Variants in RIMS3 observed in about 807,000 individuals in gnomAD.
The protein encoded by RIMS3 is regulating synaptic membrane exocytosis 3, also known as regulating synaptic membrane exocytosis protein 3.
In RIMS3, 15 loss-of-function variants were observed where a neutral mutation model predicts 29.2. The ratio of observed to expected loss-of-function variants is 0.51; its 90% confidence interval spans 0.34 to 0.79. The LOEUF (loss-of-function observed/expected upper bound fraction) is 0.79. Among genes scored for constraint, RIMS3 ranks in the 30% least tolerant of loss-of-function variants. RIMS3 has a pLI of 0.01. For synonymous variants in RIMS3, 161 were observed against 170.1 expected, an observed-to-expected ratio of 0.95 and a Z score of 0.41; for missense variants, 342 against 421.4, an observed-to-expected ratio of 0.81 and a Z score of 1.65.
chr1:40,673,969 A>G, the RIMS3 span, among the ~76,000 whole-genome samples: 1 of 152,238 alleles, frequency 6.6e-6, no homozygotes, highest in Non-Finnish European at 1.5e-5. Flanking sequence ...CGTACCAGTC[A>G]GATACATGAT....
chr1:40,670,574 T>TTATATATATATATATATATA (rs553412097), upstream of RIMS3, among the ~76,000 whole-genome samples: 1,271 of 70,940 alleles, frequency 0.018, 77 homozygotes, highest in African/African-American at 0.022. Context: ...AGTTATAATT[T>TTATATATATATATATATATA]TATATATATA....
At chr1:40,628,433 A>C (rs1346015276) in intron 7 of RIMS3, among the ~76,000 whole-genome samples, 1 of 152,260 alleles carries the variant, frequency 6.6e-6, no homozygotes, top group Non-Finnish European at 1.5e-5. Context: ...AGTGAAGAGA[A>C]TCACACCTAC....
intron 2 of RIMS3, among the ~76,000 whole-genome samples, chr1:40,646,861 A>G (rs961886035): frequency 1.3e-5 from 2 of 148,190 alleles, no homozygotes; most frequent in Admixed American, 6.8e-5. Flanking sequence ...AGTCCCTTTA[A>G]CCGTGGGTCT....
At chr1:40,632,939 ACTTG>A in intron 5 of RIMS3, 126 bp downstream of exon 5, 1 of 783,242 alleles carries the variant, frequency 1.3e-6, no homozygotes, top group East Asian at 2.5e-5. Flanking sequence ...AAGGGAAGTG[ACTTG>A]CTTAAGATCA....
chr1:40,684,056 G>A, the RIMS3 span, among the ~76,000 whole-genome samples: 1 of 152,198 alleles, frequency 6.6e-6, no homozygotes, highest in African/African-American at 2.4e-5. Flanking sequence ...GCCAAAGCTA[G>A]CTCTAACAAG....
chr1:40,656,771 G>T (rs1570199950), intron 1 of RIMS3, among the ~76,000 whole-genome samples: 1 of 121,502 alleles, frequency 8.2e-6, no homozygotes, highest in African/African-American at 3.2e-5. Context: ...CAACAAGAGC[G>T]AAACTCCGTC....
rs182104650 is a variant in RIMS3 at position 40,621,565 on chromosome 1, G to C, written c.*4952C>G. The C allele has an allele frequency of 3.9e-5, 6 of 152,324 alleles. No homozygotes were observed. In the East Asian group the frequency reaches 5.8e-4, roughly 15 times the overall value. The allele number at this position is 152,324 out of a possible 1,614,324, so 9.4% of individuals were successfully genotyped here. On this transcript the variant is annotated 3_prime_UTR_variant, in exon 8 of 8. Coordinates refer to ENST00000372684, the MANE Select transcript of RIMS3 (RefSeq NM_014747.3). ...CGCAACCCTCATGTGCTCCAGATCAGAGACTTTTAATTAAAACTGGGAGGG... is the reference window on the plus strand; with the variant it reads ...CGCAACCCTCATGTGCTCCAGATCACAGACTTTTAATTAAAACTGGGAGGG...
chr1:40,650,970 C>T (rs1174099897), intron 1 of RIMS3, among the ~76,000 whole-genome samples: 1 of 150,010 alleles, frequency 6.7e-6, no homozygotes, highest in Admixed American at 6.7e-5. Context: ...TGGCCCCAAA[C>T]TTGTCTGTCC....
intron 1 of RIMS3, among the ~76,000 whole-genome samples, chr1:40,649,905 G>A (rs747091342): frequency 6.6e-5 from 10 of 152,198 alleles, no homozygotes; most frequent in Non-Finnish European, 1.0e-4. Context: ...ACCCCAGAGA[G>A]GCTGGATACT....
the RIMS3 span, among the ~76,000 whole-genome samples, chr1:40,688,469 AG>A: frequency 6.6e-6 from 1 of 152,166 alleles, no homozygotes; most frequent in Non-Finnish European, 1.5e-5. Flanking sequence ...TCCTGGGGGT[AG>A]GGGGTGTCTT....
In RIMS3 at chr1:40,621,262, G is replaced by A. The variant is rs1646419046; in HGVS notation, c.*5255C>T. The stretch of plus-strand genomic sequence containing the variant: ...AGACCCAGCCTCATCTGCTGTTGGG[G>A]ACACTGACTTACTCAGGATGTAGCG... On this transcript the variant is annotated 3_prime_UTR_variant, in exon 8 of 8. Coordinates refer to ENST00000372684, the MANE Select transcript of RIMS3 (RefSeq NM_014747.3). 6.6e-6 allele frequency: 1 copy of A among 152,222 alleles called. No individual in the cohort carries two copies. Among genetic ancestry groups the A allele is most frequent in the South Asian group, 2.1e-4 (1 of 4,832 alleles). The allele number at this position is 152,222 out of a possible 1,614,324, so 9.4% of individuals were successfully genotyped here.
At chr1:40,691,553 G>A in the RIMS3 span, 1 of 302,370 alleles carries the variant, frequency 3.3e-6, no homozygotes, top group Non-Finnish European at 6.6e-6. Context: ...CCGAAAGGGG[G>A]CGGGGTTAAA....
chr1:40,628,235 C>T (rs997157563), intron 7 of RIMS3, among the ~76,000 whole-genome samples: 19 of 152,310 alleles, frequency 1.2e-4, no homozygotes, highest in African/African-American at 4.3e-4. Flanking sequence ...TTTATCCCCA[C>T]GTGACCTCAG....
chr1:40,665,032 C>T (rs775742329), intron 1 of RIMS3, among the ~76,000 whole-genome samples: 1 of 152,176 alleles, frequency 6.6e-6, no homozygotes, highest in Non-Finnish European at 1.5e-5. Flanking sequence ...GGGAGAAAAG[C>T]AGGCTGCCTT....
At chr1:40,691,873 T>C in the RIMS3 span, 1 of 399,832 alleles carries the variant, frequency 2.5e-6, no homozygotes, top group South Asian at 1.7e-5. Flanking sequence ...CAGAGGTGTG[T>C]GAGTGTGCGG....
chr1:40,642,955 C>CA lies in RIMS3; in HGVS notation c.-31-1000dup, dbSNP rs60193626. On this transcript the variant is annotated intron_variant, in intron 2 of 7. Transcript: ENST00000372684. Reference sequence around the variant, plus strand: ...TGGGTGACAGACCGAGACTCTGTCTCAAAAAAAAAAAAAAATATTATATCA... The same window carrying CA: ...TGGGTGACAGACCGAGACTCTGTCTCAAAAAAAAAAAAAAAATATTATATCA... 1.1e-3 allele frequency among the ~76,000 whole-genome samples: 157 copies of CA among 144,066 alleles called. 1 individual carries two copies. The highest frequency in any genetic ancestry group is 8.7e-3 in the Admixed American group (124 of 14,268). The allele number at this position is 144,066 out of a possible 152,430, so 94.5% of individuals were successfully genotyped here.
chr1:40,683,304 C>G, the RIMS3 span, among the ~76,000 whole-genome samples: 1 of 152,286 alleles, frequency 6.6e-6, no homozygotes, highest in East Asian at 1.9e-4. Flanking sequence ...ATTTTAACAA[C>G]GTTGAGAAGT....
intron 7 of RIMS3, among the ~76,000 whole-genome samples, chr1:40,628,161 C>G (rs1201265756): frequency 6.6e-6 from 1 of 152,224 alleles, no homozygotes; most frequent in Non-Finnish European, 1.5e-5. Flanking sequence ...CTACCCGCGG[C>G]TAATGAGTGC....
At chr1:40,670,658 T>C (rs1337689908), upstream of RIMS3, among the ~76,000 whole-genome samples, 1 of 143,530 alleles carries the variant, frequency 7.0e-6, no homozygotes. Flanking sequence ...GCGTGATCTC[T>C]GCTCACTGCA....
Sources: gnomAD v4.1 joint callset for allele counts (sites outside exome capture counted in the v4.1 genomes callset) on GRCh38, gnomAD v4.1.1 for gene constraint, MANE v1.5 for transcripts, NCBI Gene and HGNC (gene_info 2026-07-23, HGNC 2026-07-21) for gene names.